PLAT: variants seen among roughly 807,000 people sequenced by gnomAD.
The protein encoded by PLAT is tissue-type plasminogen activator.
In PLAT, 48 loss-of-function variants were observed where a neutral mutation model predicts 74.9. The ratio of observed to expected loss-of-function variants is 0.64; its 90% CI spans 0.51 to 0.82. The LOEUF is 0.82. Ranked by LOEUF, PLAT falls within the 40% of genes least tolerant of loss-of-function variation. PLAT has a pLI of 0.00. For missense variants in PLAT, 673 were observed against 736.2 expected, an observed-to-expected ratio of 0.91 and a Z score of 0.99; for synonymous variants, 307 against 294.4, an observed-to-expected ratio of 1.04 and a Z score of -0.44.
At chr8:42,192,812 A>C (rs562881548) in intron 2 of PLAT, among the ~76,000 whole-genome samples, 2 of 152,304 alleles carry the variant, frequency 1.3e-5, no homozygotes, top group African/African-American at 4.8e-5. Context: ...ATTTGAATAC[A>C]TTCTTTAAAA....
chr8:42,190,730 G>A (rs1805650530), intron 3 of PLAT, among the ~76,000 whole-genome samples: 1 of 152,148 alleles, frequency 6.6e-6, no homozygotes, highest in African/African-American at 2.4e-5. Flanking sequence ...GGAAATCGAG[G>A]GCCTAAGTTG....
intron 7 of PLAT, among the ~76,000 whole-genome samples, chr8:42,183,605 AAGG>A (rs1805335629): frequency 6.6e-6 from 1 of 151,964 alleles, no homozygotes; most frequent in Non-Finnish European, 1.5e-5. Context: ...TGGGCTTGGG[AAGG>A]AGGAGGGTAT....
At chr8:42,189,766 T>C (rs1452913542) in intron 3 of PLAT, among the ~76,000 whole-genome samples, 3 of 150,454 alleles carry the variant, frequency 2.0e-5, no homozygotes, top group African/African-American at 7.3e-5. Context: ...GCCCGGCTAA[T>C]TTTTGTATTT....
At chr8:42,184,283 T>G (rs1564128915) in intron 7 of PLAT, among the ~76,000 whole-genome samples, 1 of 152,144 alleles carries the variant, frequency 6.6e-6, no homozygotes, top group Non-Finnish European at 1.5e-5. Context: ...CATAGTGCTG[T>G]GATAAATGTG....
At chr8:42,184,034 G>C (rs1761211125) in intron 7 of PLAT, among the ~76,000 whole-genome samples, 1 of 150,876 alleles carries the variant, frequency 6.6e-6, no homozygotes. Flanking sequence ...TCAACCTCCT[G>C]GGCTCAAGCG....
chr8:42,194,239 A>T (rs867026992), intron 1 of PLAT, among the ~76,000 whole-genome samples: 48 of 106,246 alleles, frequency 4.5e-4, no homozygotes, highest in African/African-American at 6.3e-4. Flanking sequence ...AGAGAGAGAG[A>T]GAGTGTGTGT....
At position 42,187,502 on chromosome 8, in the gene PLAT, GC is replaced by G; in HGVS notation, c.434del (p.Gly145AlafsTer98). Reference sequence around the variant, plus strand: ...TGCTGTTCCAGTTGGTGCACTCGGCGCCACTCTCCGCTGTGCTCCACGTGCC... The same window carrying G: ...TGCTGTTCCAGTTGGTGCACTCGGCGCACTCTCCGCTGTGCTCCACGTGCC... ...YRGTWSTAES[G>X]AECTNWNSSA... On this transcript the variant is annotated frameshift_variant, in exon 6 of 14. Coordinates refer to ENST00000220809, the MANE Select transcript of PLAT (RefSeq NM_000930.5). LOFTEE classifies it high-confidence loss of function. 6.2e-7 allele frequency: 1 copy of G among 1,611,278 alleles called. No individual in the cohort carries two copies. Among genetic ancestry groups the G allele is most frequent in the Non-Finnish European group, 8.5e-7 (1 of 1,179,708 alleles).
chr8:42,204,713 TAA>T (rs76761892), intron 1 of PLAT, among the ~76,000 whole-genome samples: 16 of 122,070 alleles, frequency 1.3e-4, no homozygotes, highest in Admixed American at 3.5e-4. Flanking sequence ...GACTCCATCT[TAA>T]AAAAAAAAAA....
At chr8:42,187,851 G>T in intron 5 of PLAT, 55 bp downstream of exon 5, 1 of 1,210,922 alleles carries the variant, frequency 8.3e-7, no homozygotes, top group Non-Finnish European at 1.2e-6. Flanking sequence ...TCCGGGGGCG[G>T]GGGAGACTGG....
chr8:42,199,578 C>G (rs1011918536), intron 1 of PLAT, among the ~76,000 whole-genome samples: 1 of 152,046 alleles, frequency 6.6e-6, no homozygotes, highest in Non-Finnish European at 1.5e-5. Flanking sequence ...AAAGCTACAG[C>G]AGGCATGTCC....
At position 42,194,800 on chromosome 8, in the gene PLAT, C is replaced by G. The variant is rs8178719; in HGVS notation, c.-26-1589G>C. Among the ~76,000 whole-genome samples, 541 of 151,458 alleles carry G rather than the reference C, an allele frequency of 3.6e-3. 5 individuals are homozygous for G. The highest frequency in any genetic ancestry group is 0.012 in the African/African-American group (488 of 41,240). Reference sequence around the variant, plus strand: ...CAACCCAACCTCCACGCCCACCCCCCCCACCGCTCTGCCAGAACATCTGTC... The same window carrying G: ...CAACCCAACCTCCACGCCCACCCCCGCCACCGCTCTGCCAGAACATCTGTC... On this transcript the variant is annotated intron_variant, in intron 1 of 13. Transcript: ENST00000220809.
chr8:42,182,123 C>T (rs1055800943), intron 8 of PLAT, 101 bp from the exon 9 acceptor site: 1 of 715,678 alleles, frequency 1.4e-6, no homozygotes, highest in Non-Finnish European at 2.4e-6. Context: ...TCTTGAACTC[C>T]TGGGCTCAAG....
intron 9 of PLAT, among the ~76,000 whole-genome samples, chr8:42,181,587 C>T (rs1805241835): frequency 6.6e-6 from 1 of 152,190 alleles, no homozygotes; most frequent in Admixed American, 6.5e-5. Flanking sequence ...GTGGTGAAGG[C>T]ACTTTATTAT....
In PLAT at chr8:42,179,837, C is replaced by T. The variant is rs551858502; in HGVS notation, c.1363+89G>A. 9 of 1,331,996 alleles carry T rather than the reference C, an allele frequency of 6.8e-6. No homozygotes were observed. In the Admixed American group the frequency reaches 1.2e-4, roughly 17 times the overall value. The allele number at this position is 1,331,996 out of a possible 1,614,324, so 82.5% of individuals were successfully genotyped here. ...AGTGCCTGACCCGGGGCTGGAACTTCGGTCTCCTGACCCCATTTTCCTCTG... is the reference window on the plus strand; with the variant it reads ...AGTGCCTGACCCGGGGCTGGAACTTTGGTCTCCTGACCCCATTTTCCTCTG... On this transcript the variant is annotated intron_variant, in intron 12 of 13. Transcript: ENST00000220809.
At chr8:42,198,344 T>C (rs1463842883) in intron 1 of PLAT, among the ~76,000 whole-genome samples, 6 of 152,086 alleles carry the variant, frequency 3.9e-5, no homozygotes, top group Non-Finnish European at 1.5e-5. Context: ...ACAAAAAAAT[T>C]AGCTGGGCAT....
At chr8:42,190,863 C>T (rs1339990272) in intron 3 of PLAT, among the ~76,000 whole-genome samples, 1 of 152,180 alleles carries the variant, frequency 6.6e-6, no homozygotes, top group African/African-American at 2.4e-5. Flanking sequence ...GTTGGGACAT[C>T]CCGGTTGGAT....
At chr8:42,205,420 A>G (rs1012182610) in intron 1 of PLAT, among the ~76,000 whole-genome samples, 2 of 152,150 alleles carry the variant, frequency 1.3e-5, no homozygotes, top group African/African-American at 4.8e-5. Flanking sequence ...CCAGTTACTC[A>G]GAAGGCTGAG....
At chr8:42,185,212 G>A (rs1173760075) in intron 6 of PLAT, 40 bp from the exon 7 acceptor site, 1 of 1,341,368 alleles carries the variant, frequency 7.5e-7, no homozygotes, top group African/African-American at 1.5e-5. Context: ...GTAGGTCAAA[G>A]GTGAAGCCTC....
At position 42,180,300 on chromosome 8, in the gene PLAT, T is replaced by C; in HGVS notation, c.1164A>G (p.Glu388=). Residue 388 remains glutamate, a synonymous_variant, in exon 11 of 14, where the codon GAA becomes GAG. Coordinates refer to ENST00000220809, the MANE Select transcript of PLAT (RefSeq NM_000930.5). ...CCTTATGGACAATGTATTTTTCGAC[T>C]TCAAATTTCTGCTCCTCCTCGCCAG... The part of the protein sequence containing the change: ...VVPGEEEQKF[E]VEKYIVHKEF... 1 of 1,614,224 alleles carries C rather than the reference T, an allele frequency of 6.2e-7. No individual in the cohort carries two copies. Among genetic ancestry groups the C allele is most frequent in the Non-Finnish European group, 8.5e-7 (1 of 1,180,012 alleles).
Sources: allele counts gnomAD v4.1 joint callset (sites outside exome capture counted in the v4.1 genomes callset), GRCh38; gene constraint gnomAD v4.1.1; transcripts MANE v1.5; gene names NCBI Gene and HGNC (gene_info 2026-07-23, HGNC 2026-07-21).